Variants in INPP4B observed in about 807,000 individuals in gnomAD.
INPP4B encodes the protein inositol polyphosphate-4-phosphatase type II B.
A neutral mutation model predicts 122.5 loss-of-function variants in INPP4B; 55 were observed. The ratio of observed to expected loss-of-function variants is 0.45; its 90% confidence interval spans 0.36 to 0.56. The LOEUF is 0.56. Ranked by LOEUF, INPP4B falls within the 20% of genes least tolerant of loss-of-function variation. The probability of loss-of-function intolerance (pLI) is 0.00; values close to 1 mark genes in which losing one functional copy is unlikely to be tolerated. For synonymous variants in INPP4B, 403 were observed against 388.7 expected (o/e 1.04, Z -0.43); for missense variants, 1,000 against 1,097.7 (o/e 0.91, Z 1.26).
chr4:142,409,744 G>T (rs976062810), intron 5 of INPP4B, among the ~76,000 whole-genome samples: 1 of 152,182 alleles, frequency 6.6e-6, no homozygotes, highest in African/African-American at 2.4e-5. Flanking sequence ...CAGTCACTGT[G>T]CAGGTGAACA....
chr4:142,344,073 A>C (rs531156848), intron 7 of INPP4B, among the ~76,000 whole-genome samples: 1 of 152,202 alleles, frequency 6.6e-6, no homozygotes, highest in African/African-American at 2.4e-5. Context: ...TTTAATATTG[A>C]ATGTGTTTTG....
chr4:142,754,932 T>C (rs944275703), intron 1 of INPP4B, among the ~76,000 whole-genome samples: 14 of 152,020 alleles, frequency 9.2e-5, no homozygotes, highest in African/African-American at 3.4e-4. Context: ...ATATGTTGCA[T>C]TTGTATGGCA....
At chr4:142,331,930 G>C (rs1192389566) in intron 7 of INPP4B, among the ~76,000 whole-genome samples, 1 of 151,322 alleles carries the variant, frequency 6.6e-6, no homozygotes, top group African/African-American at 2.4e-5. Flanking sequence ...GGTGGAGGGG[G>C]AAAACCTAAG....
intron 1 of INPP4B, among the ~76,000 whole-genome samples, chr4:142,807,070 TTG>T (rs1452265329): frequency 6.6e-6 from 1 of 152,208 alleles, no homozygotes; most frequent in African/African-American, 2.4e-5. Flanking sequence ...TATAAATTTT[TTG>T]TGTTTGTAAG....
At chr4:142,680,066 C>T (rs1349719119) in intron 2 of INPP4B, among the ~76,000 whole-genome samples, 1 of 151,854 alleles carries the variant, frequency 6.6e-6, no homozygotes, top group Non-Finnish European at 1.5e-5. Context: ...CCATACCCTT[C>T]ATCCACTTTG....
At chr4:142,286,214 T>C (rs144020690) in intron 9 of INPP4B, among the ~76,000 whole-genome samples, 167 of 152,316 alleles carry the variant, frequency 1.1e-3, no homozygotes, top group African/African-American at 3.9e-3. Context: ...TTATTCAACA[T>C]AAAGTACACG....
intron 15 of INPP4B, among the ~76,000 whole-genome samples, chr4:142,186,887 G>A (rs1297849718): frequency 6.6e-6 from 1 of 152,120 alleles, no homozygotes; most frequent in East Asian, 1.9e-4. Flanking sequence ...GTATGTTCAA[G>A]CCTCAGCATG....
intron 2 of INPP4B, among the ~76,000 whole-genome samples, chr4:142,614,020 A>G (rs926787607): frequency 2.6e-5 from 4 of 152,236 alleles, no homozygotes; most frequent in Non-Finnish European, 5.9e-5. Context: ...CGGGTAGCAA[A>G]TAAATATCAA....
intron 2 of INPP4B, among the ~76,000 whole-genome samples, chr4:142,465,944 CACCA>C (rs1817676185): frequency 6.6e-6 from 1 of 152,188 alleles, no homozygotes; most frequent in Non-Finnish European, 1.5e-5. Context: ...CAAATCCTGT[CACCA>C]TACTTCCTAT....
chr4:142,658,997 G>A (rs78852585), intron 2 of INPP4B, among the ~76,000 whole-genome samples: 6 of 152,158 alleles, frequency 3.9e-5, no homozygotes, highest in African/African-American at 7.2e-5. Context: ...CCCAAAAGGC[G>A]TATGTAGAAA....
At chr4:142,122,396 T>G (rs1796924135) in intron 20 of INPP4B, 151 bp from the exon 21 acceptor site, 1 of 637,826 alleles carries the variant, frequency 1.6e-6, no homozygotes, top group Admixed American at 3.1e-5. Context: ...CCTCAGAGGC[T>G]GAAGGTGTTT....
chr4:142,350,493 AT>A (rs1561909229), intron 7 of INPP4B, among the ~76,000 whole-genome samples: 1 of 151,670 alleles, frequency 6.6e-6, no homozygotes, highest in Non-Finnish European at 1.5e-5. Flanking sequence ...TTCTCACCAC[AT>A]TTCCCCTTCC....
chr4:142,676,854 A>C (rs1165617024), intron 2 of INPP4B, among the ~76,000 whole-genome samples: 2 of 152,100 alleles, frequency 1.3e-5, no homozygotes, highest in East Asian at 3.9e-4. Context: ...GATGGATTAA[A>C]GACTTAAACG....
chr4:142,802,827 C>T (rs1206652071), intron 1 of INPP4B, among the ~76,000 whole-genome samples: 3 of 151,030 alleles, frequency 2.0e-5, no homozygotes, highest in African/African-American at 7.3e-5. Flanking sequence ...TTTGTGCCTT[C>T]CCTGTGCAAA....
At chr4:142,211,624 G>A (rs1368453528) in intron 12 of INPP4B, among the ~76,000 whole-genome samples, 1 of 152,208 alleles carries the variant, frequency 6.6e-6, no homozygotes, top group Non-Finnish European at 1.5e-5. Flanking sequence ...ATTTGGTCAT[G>A]TGAAACAAAT....
chr4:142,413,601 C>T (rs1805063947), intron 5 of INPP4B, among the ~76,000 whole-genome samples: 1 of 152,032 alleles, frequency 6.6e-6, no homozygotes, highest in Non-Finnish European at 1.5e-5. Flanking sequence ...GCATAATTTG[C>T]TAAATGCTTA....
intron 2 of INPP4B, among the ~76,000 whole-genome samples, chr4:142,674,794 G>A (rs1311472212): frequency 1.3e-5 from 2 of 152,018 alleles, no homozygotes; most frequent in Non-Finnish European, 1.5e-5. Flanking sequence ...CAAAATTAAA[G>A]AAGAAATAAA....
chr4:142,532,781 T>C (rs1213703878), intron 2 of INPP4B, among the ~76,000 whole-genome samples: 1 of 152,226 alleles, frequency 6.6e-6, no homozygotes, highest in Non-Finnish European at 1.5e-5. Flanking sequence ...TGTAGATATT[T>C]AAATTATAAA....
In INPP4B at chr4:142,590,420, G is replaced by C. The variant is rs566539161; in HGVS notation, c.-190-127694C>G. Among the ~76,000 whole-genome samples the C allele has an allele frequency of 3.3e-5, 5 of 152,294 alleles. No individual in the cohort carries two copies. In the East Asian group the frequency reaches 7.7e-4, roughly 24 times the overall value. On this transcript the variant is annotated intron_variant, in intron 2 of 25. Coordinates refer to ENST00000262992, the MANE Select transcript of INPP4B (RefSeq NM_001101669.3). ...AATGTGTTTAGTGATTAAGACTGAA[G>C]ACAAAAGGATCTGTACATAAGCACT...
Sources: gnomAD v4.1 joint callset for allele counts (sites outside exome capture counted in the v4.1 genomes callset) on GRCh38, gnomAD v4.1.1 for gene constraint, MANE v1.5 for transcripts, NCBI Gene and HGNC (gene_info 2026-07-23, HGNC 2026-07-21) for gene names.